The following SEMA3D variants were observed in gnomAD, a reference collection of about 807,000 sequenced individuals.
SEMA3D encodes semaphorin 3D, also known as semaphorin-3D.
SEMA3D carries 84 observed loss-of-function variants against 100.1 expected under a neutral mutation model. The observed-to-expected ratio is 0.84, with a 90% confidence interval of 0.70 to 1.01. The LOEUF is 1.01. SEMA3D is among the 50% of genes least tolerant of loss of function. The pLI is 0.00. For synonymous variants in SEMA3D, 312 were observed against 320.7 expected, an observed-to-expected ratio of 0.97 and a Z score of 0.29; for missense variants, 875 against 934.1, an observed-to-expected ratio of 0.94 and a Z score of 0.82.
intron 4 of SEMA3D, among the ~76,000 whole-genome samples, chr7:85,083,707 C>T (rs1227595211): frequency 2.7e-5 from 4 of 150,572 alleles, no homozygotes; most frequent in Non-Finnish European, 5.9e-5. Flanking sequence ...ATTAGCCGGG[C>T]GTGGTGGCGG....
intron 1 of SEMA3D, chr7:85,167,071 A>AATGGATATTAGGAGATAAT (rs1790925928): frequency 6.4e-6 from 1 of 155,546 alleles, no homozygotes. Context: ...AATATCCATT[A>AATGGATATTAGGAGATAAT]GGATGGCTGG....
chr7:85,029,690 G>T, intron 12 of SEMA3D: 2 of 351,808 alleles, frequency 5.7e-6, no homozygotes, highest in South Asian at 2.5e-5. Context: ...TGAAGAGGTT[G>T]ATTAAGACAA....
chr7:85,006,813 GCTCA>G lies in SEMA3D; in HGVS notation c.1893_1896del (p.Glu632IlefsTer5). 6.3e-7 allele frequency: 1 copy of G among 1,591,256 alleles called. No individual in the cohort carries two copies. The highest frequency in any genetic ancestry group is 8.6e-7 in the Non-Finnish European group (1 of 1,167,016). On this transcript the variant is annotated frameshift_variant, in exon 18 of 19. Coordinates refer to ENST00000284136, the MANE Select transcript of SEMA3D (RefSeq NM_001384900.1). LOFTEE classifies it high-confidence loss of function. ...TGACAACAGCTTACCTCCTCTCGAT[GCTCA>G]TCCCCTGACCTCTGGATATACCATT...
the SEMA3D span, among the ~76,000 whole-genome samples, chr7:85,202,733 A>G: frequency 6.6e-6 from 1 of 152,192 alleles, no homozygotes; most frequent in Non-Finnish European, 1.5e-5. Context: ...CAAAAAACAC[A>G]TGAAAAAATG....
intron 2 of SEMA3D, among the ~76,000 whole-genome samples, chr7:85,148,655 A>C (rs2372670): frequency 0.64 from 97,025 of 151,988 alleles, 31,806 homozygotes; most frequent in African/African-American, 0.8. Flanking sequence ...AGATATAGTT[A>C]TCTTCTCAGT....
At chr7:85,144,483 G>C in intron 2 of SEMA3D, 1 of 975,646 alleles carries the variant, frequency 1.0e-6, no homozygotes, top group Non-Finnish European at 1.2e-6. Flanking sequence ...ATGTGAGATA[G>C]AGGGGAAAGA....
the SEMA3D span, among the ~76,000 whole-genome samples, chr7:85,208,133 A>T: frequency 2.9e-5 from 3 of 104,748 alleles, no homozygotes; most frequent in East Asian, 3.1e-4. Flanking sequence ...TCATATACAT[A>T]TTAATTTACA....
intron 14 of SEMA3D, 64 bp from the exon 15 acceptor site, chr7:85,018,357 G>A: frequency 1.9e-6 from 2 of 1,044,402 alleles, no homozygotes; most frequent in Non-Finnish European, 3.0e-6. Flanking sequence ...TAAACAATAT[G>A]TTGTTTTATC....
At position 85,036,560 on chromosome 7, in the gene SEMA3D, T is replaced by C. The variant is rs77876180; in HGVS notation, c.1191+329A>G. ...CAGAGCTGTATGTGAGAAATAATAC[T>C]TCTTTGACATTTCCATCTAATTTAG... is the stretch of plus-strand genomic sequence containing the variant. On this transcript the variant is annotated intron_variant, in intron 12 of 18. Transcript: ENST00000284136. Among the ~76,000 whole-genome samples, 1,495 of 152,226 alleles carry C rather than the reference T, an allele frequency of 9.8e-3. 22 individuals carry two copies. The highest frequency in any genetic ancestry group is 0.034 in the African/African-American group (1,410 of 41,540).
At chr7:85,180,013 T>G (rs926070866) in intron 1 of SEMA3D, among the ~76,000 whole-genome samples, 2 of 152,188 alleles carry the variant, frequency 1.3e-5, no homozygotes, top group Non-Finnish European at 2.9e-5. Context: ...TGGGGAACTG[T>G]TGGAAAAGCA....
At chr7:85,013,400 G>C (rs1790010968) in intron 16 of SEMA3D, among the ~76,000 whole-genome samples, 1 of 151,654 alleles carries the variant, frequency 6.6e-6, no homozygotes, top group African/African-American at 2.4e-5. Context: ...TCTATCTGCT[G>C]ATGAGTAGCT....
intron 1 of SEMA3D, among the ~76,000 whole-genome samples, chr7:85,166,957 T>C (rs186476422): frequency 1.2e-3 from 180 of 152,070 alleles, no homozygotes; most frequent in African/African-American, 3.8e-3. Context: ...AGAACTATTA[T>C]CTAAGTGATG....
At chr7:85,084,775 C>A (rs1284473322) in intron 4 of SEMA3D, among the ~76,000 whole-genome samples, 1 of 152,106 alleles carries the variant, frequency 6.6e-6, no homozygotes, top group African/African-American at 2.4e-5. Flanking sequence ...CCTCCACACT[C>A]CAAAATGTCC....
chr7:85,146,637 A>G (rs917591788), intron 2 of SEMA3D, among the ~76,000 whole-genome samples: 2 of 151,982 alleles, frequency 1.3e-5, no homozygotes, highest in Non-Finnish European at 2.9e-5. Context: ...AATAAGTCAT[A>G]TTTTCGAAAG....
At chr7:85,241,138 A>C in the SEMA3D span, among the ~76,000 whole-genome samples, 1 of 151,964 alleles carries the variant, frequency 6.6e-6, no homozygotes, top group African/African-American at 2.4e-5. Flanking sequence ...TCCTGCAAGA[A>C]TGGCCATAAT....
intron 2 of SEMA3D, chr7:85,140,914 G>A: frequency 1.6e-6 from 1 of 612,382 alleles, no homozygotes; most frequent in African/African-American, 2.0e-5. Context: ...ACCTCAGTTA[G>A]AGATGATCAC....
chr7:85,140,705 T>G (rs906251126), intron 2 of SEMA3D: 4 of 978,280 alleles, frequency 4.1e-6, no homozygotes. Context: ...TATTAAGAGA[T>G]AAATCTATTT....
chr7:85,020,733 C>A (rs1039364927), intron 13 of SEMA3D, among the ~76,000 whole-genome samples: 21 of 151,424 alleles, frequency 1.4e-4, no homozygotes, highest in African/African-American at 9.7e-5. Context: ...GTTATTATAT[C>A]CAATTCACCA....
At chr7:85,228,688 A>T in the SEMA3D span, among the ~76,000 whole-genome samples, 1 of 151,916 alleles carries the variant, frequency 6.6e-6, no homozygotes, top group Non-Finnish European at 1.5e-5. Flanking sequence ...CCTTTATCTT[A>T]TCTCATCTGT....
Sources: gnomAD v4.1 joint callset for allele counts (sites outside exome capture counted in the v4.1 genomes callset) on GRCh38, gnomAD v4.1.1 for gene constraint, MANE v1.5 for transcripts, NCBI Gene and HGNC (gene_info 2026-07-23, HGNC 2026-07-21) for gene names.